Variants in SORCS1 observed in about 807,000 individuals in gnomAD.
The protein encoded by SORCS1 is VPS10 domain-containing receptor SorCS1.
SORCS1 carries 60 observed loss-of-function variants against 146.1 expected under a neutral mutation model. That is an observed-to-expected ratio of 0.41 (90% CI 0.33 to 0.51). The LOEUF is 0.51. Among genes scored for constraint, SORCS1 ranks in the 20% least tolerant of loss-of-function variants. The pLI is 0.21. For synonymous variants in SORCS1, 637 were observed against 584.0 expected, an observed-to-expected ratio of 1.09 and a Z score of -1.31; for missense variants, 1,352 against 1,487.6, an observed-to-expected ratio of 0.91 and a Z score of 1.50.
chr10:106,698,333 C>CA (rs1853864266), intron 9 of SORCS1, among the ~76,000 whole-genome samples: 2 of 152,194 alleles, frequency 1.3e-5, no homozygotes, highest in African/African-American at 4.8e-5. Context: ...ATGACAGTGT[C>CA]ATTATGACTG....
At chr10:106,795,759 G>A (rs1946525243) in intron 3 of SORCS1, among the ~76,000 whole-genome samples, 1 of 152,192 alleles carries the variant, frequency 6.6e-6, no homozygotes, top group Non-Finnish European at 1.5e-5. Flanking sequence ...GAAAGAGATT[G>A]AATGGGAACA....
chr10:106,653,572 A>G (rs1229205574), intron 17 of SORCS1, among the ~76,000 whole-genome samples: 2 of 152,236 alleles, frequency 1.3e-5, no homozygotes, highest in African/African-American at 4.8e-5. Context: ...GACAACACAT[A>G]AAAGAATGTA....
At chr10:106,593,569 T>C (rs1485112713) in intron 24 of SORCS1, among the ~76,000 whole-genome samples, 1 of 152,226 alleles carries the variant, frequency 6.6e-6, no homozygotes, top group Non-Finnish European at 1.5e-5. Flanking sequence ...TGGAGCTAAT[T>C]ATCCACATAT....
chr10:106,911,984 G>C (rs1395033572), intron 2 of SORCS1, among the ~76,000 whole-genome samples: 1 of 151,836 alleles, frequency 6.6e-6, no homozygotes, highest in Admixed American at 6.6e-5. Flanking sequence ...GTTGTGGCGG[G>C]CATCTGTAGT....
At chr10:106,633,212 G>A (rs868286972) in intron 18 of SORCS1, among the ~76,000 whole-genome samples, 4 of 152,176 alleles carry the variant, frequency 2.6e-5, no homozygotes, top group African/African-American at 9.6e-5. Flanking sequence ...ACATATTTAT[G>A]GGGGTATATG....
At chr10:106,772,376 GT>G (rs1860087305) in intron 4 of SORCS1, among the ~76,000 whole-genome samples, 1 of 151,928 alleles carries the variant, frequency 6.6e-6, no homozygotes, top group South Asian at 2.1e-4. Flanking sequence ...GGCATTCTTG[GT>G]TGTCCAGCTT....
At chr10:106,716,734 T>C (rs1353015474) in intron 6 of SORCS1, among the ~76,000 whole-genome samples, 8 of 152,182 alleles carry the variant, frequency 5.3e-5, no homozygotes, top group Non-Finnish European at 1.0e-4. Context: ...AATGTCTTCA[T>C]TGATAACAGC....
In SORCS1 at chr10:107,151,964, C is replaced by T. The variant is rs1276927138; in HGVS notation, c.558+12005G>A. On this transcript the variant is annotated intron_variant, in intron 1 of 25. Transcript: ENST00000263054. ...GCATGTCAGAGACCTTCACAGCAGG[C>T]CCTTCCATCACAGACCCAGAGGCCT... Among the ~76,000 whole-genome samples, 3 of 152,136 alleles carry T rather than the reference C, an allele frequency of 2.0e-5. No individual in the cohort carries two copies. In the South Asian group the frequency reaches 6.2e-4, roughly 32 times the overall value.
At chr10:107,173,491 T>C in the SORCS1 span, among the ~76,000 whole-genome samples, 1 of 152,186 alleles carries the variant, frequency 6.6e-6, no homozygotes, top group African/African-American at 2.4e-5. Context: ...CATTAAAACA[T>C]CATGTTATAC....
chr10:107,074,569 C>T (rs889983004), intron 1 of SORCS1, among the ~76,000 whole-genome samples: 6 of 152,138 alleles, frequency 3.9e-5, no homozygotes, highest in African/African-American at 1.4e-4. Flanking sequence ...GCAAGGAGTG[C>T]AATTGCTGGA....
chr10:106,700,504 AT>A (rs1854058956), intron 8 of SORCS1, among the ~76,000 whole-genome samples: 1 of 152,308 alleles, frequency 6.6e-6, no homozygotes, highest in Admixed American at 6.5e-5. Context: ...ACGTAGAACA[AT>A]TCTTGTTTTC....
At chr10:106,885,367 G>T (rs1453668251) in intron 2 of SORCS1, among the ~76,000 whole-genome samples, 1 of 152,090 alleles carries the variant, frequency 6.6e-6, no homozygotes, top group Non-Finnish European at 1.5e-5. Flanking sequence ...AATAGAACTG[G>T]ATGTTCTGGT....
At chr10:106,630,342 C>A (rs10748921) in intron 18 of SORCS1, among the ~76,000 whole-genome samples, 87,597 of 152,002 alleles carry the variant, frequency 0.58, 25,629 homozygotes, top group Middle Eastern at 0.69. Flanking sequence ...TTAGTCTAGT[C>A]TGGAGAGAGG....
chr10:106,754,758 T>A (rs112470660), intron 5 of SORCS1, among the ~76,000 whole-genome samples: 71 of 152,288 alleles, frequency 4.7e-4, no homozygotes, highest in African/African-American at 1.7e-3. Context: ...AGATGTCATA[T>A]AACTCCCGGA....
chr10:106,684,799 C>T (rs1336033999), intron 10 of SORCS1, among the ~76,000 whole-genome samples: 1 of 152,196 alleles, frequency 6.6e-6, no homozygotes, highest in Non-Finnish European at 1.5e-5. Flanking sequence ...CACTTTTTAT[C>T]TCATCTCTGC....
At chr10:106,791,841 T>C (rs1433652157) in intron 3 of SORCS1, among the ~76,000 whole-genome samples, 2 of 152,216 alleles carry the variant, frequency 1.3e-5, no homozygotes, top group African/African-American at 4.8e-5. Context: ...TTTTCTAAGA[T>C]GACTGGAGAA....
In SORCS1 at chr10:106,629,294, T is replaced by C; in HGVS notation, c.2570A>G (p.His857Arg). The stretch of plus-strand genomic sequence containing the variant: ...GAAAATGCCCACGTTCTGATAGACG[T>C]GTTTGATCCCATCTTCCATGGAGCT... ...NLSSMEDGIK[H>R]VYQNVGIFRV... Residue 857 changes from histidine (H) to arginine (R), a missense_variant, in exon 19 of 26, where the codon CAC (histidine) becomes CGC (arginine). By Grantham distance (29) the His-to-Arg change is conservative. Transcript: ENST00000263054. 4 of 1,614,130 alleles carry C rather than the reference T, an allele frequency of 2.5e-6. No homozygotes were observed.
chr10:106,898,313 A>G (rs2138022362), intron 2 of SORCS1, among the ~76,000 whole-genome samples: 1 of 152,298 alleles, frequency 6.6e-6, no homozygotes, highest in South Asian at 2.1e-4. Flanking sequence ...AAACCCACTT[A>G]CAGCAGAGCC....
intron 2 of SORCS1, among the ~76,000 whole-genome samples, chr10:106,873,368 A>G (rs1230161679): frequency 1.3e-5 from 2 of 152,130 alleles, no homozygotes; most frequent in Non-Finnish European, 2.9e-5. Context: ...CCTAGAGGAT[A>G]TTTAGCAGGG....
Sources: allele counts gnomAD v4.1 joint callset (sites outside exome capture counted in the v4.1 genomes callset), GRCh38; gene constraint gnomAD v4.1.1; transcripts MANE v1.5; gene names NCBI Gene and HGNC (gene_info 2026-07-23, HGNC 2026-07-21).